Variants in NCKAP1L observed in about 807,000 individuals in gnomAD.
The protein encoded by NCKAP1L is NCK associated protein 1 like.
NCKAP1L carries 53 observed loss-of-function variants against 139.2 expected under a neutral mutation model. The observed-to-expected ratio is 0.38, with a 90% CI of 0.31 to 0.48. The LOEUF (loss-of-function observed/expected upper bound fraction) is 0.48. Among genes scored for constraint, NCKAP1L ranks in the 20% least tolerant of loss-of-function variants. The probability of loss-of-function intolerance (pLI) is 0.98; values close to 1 mark genes in which losing one functional copy is unlikely to be tolerated. For missense variants in NCKAP1L, 1,151 were observed against 1,381.9 expected, an observed-to-expected ratio of 0.83 and a Z score of 2.65; for synonymous variants, 468 against 499.7, an observed-to-expected ratio of 0.94 and a Z score of 0.85.
rs1957169006 is a variant in NCKAP1L at position 54,542,781 on chromosome 12, TG to T, written c.*100del. The T allele has an allele frequency of 2.2e-6, 1 of 445,518 alleles. No individual in the cohort carries two copies. 27.6% of individuals were successfully genotyped at this position (445,518 alleles called of 1,614,324 possible). A position where few individuals can be genotyped will look rare whatever the true frequency, so the allele number is the denominator to read the frequency against. On this transcript the variant is annotated 3_prime_UTR_variant, in exon 31 of 31. Transcript: ENST00000293373. Reference sequence around the variant, plus strand: ...ACTTTCGCAGGGGGTGGGAATGGGGTGGGGTCACTAAGGAGAGAGGGTCAGG... The same window carrying T: ...ACTTTCGCAGGGGGTGGGAATGGGGTGGGTCACTAAGGAGAGAGGGTCAGG...
At position 54,521,147 on chromosome 12, in the gene NCKAP1L, A is replaced by C. The variant is rs1374662353; in HGVS notation, c.1787A>C (p.His596Pro). ...CCCCACCTCAAGAACCATGGTCTTC[A>C]CCACTGCAACTCCTTCCTGGAAGAG... ...EYPHLKNHGL[H>P]HCNSFLEELA... Residue 596 changes from histidine to proline, a missense_variant, in exon 18 of 31, where the codon CAC (histidine) becomes CCC (proline). By Grantham distance (77) the His-to-Pro change is moderately conservative. Transcript: ENST00000293373. 4 of 1,613,870 alleles carry C rather than the reference A, an allele frequency of 2.5e-6. No individual in the cohort carries two copies. The highest frequency in any genetic ancestry group is 3.4e-6 in the Non-Finnish European group (4 of 1,179,996).
chr12:54,516,791 C>T (rs912771707), intron 10 of NCKAP1L, 105 bp from the exon 11 acceptor site: 5 of 998,954 alleles, frequency 5.0e-6, no homozygotes, highest in Non-Finnish European at 7.7e-6. Context: ...TTGAACCTTC[C>T]TTCTGCCTGA....
intron 20 of NCKAP1L, among the ~76,000 whole-genome samples, chr12:54,524,229 A>C (rs562312113): frequency 4.6e-5 from 7 of 152,364 alleles, no homozygotes; most frequent in African/African-American, 1.7e-4. Context: ...AGGCCTTTGC[A>C]GTGAGCAGAC....
At chr12:54,528,658 C>T (rs1278421400) in intron 22 of NCKAP1L, among the ~76,000 whole-genome samples, 1 of 151,432 alleles carries the variant, frequency 6.6e-6, no homozygotes, top group African/African-American at 2.4e-5. Context: ...TGGAGTCTCG[C>T]TCTGTTGCCC....
rs1364093292 is a variant in NCKAP1L, at chr12:54,545,363, A to T, written c.*2678A>T. The T allele has an allele frequency of 6.6e-6, 1 of 152,212 alleles. No individual in the cohort carries two copies. Among genetic ancestry groups the T allele is most frequent in the Non-Finnish European group, 1.5e-5 (1 of 68,034 alleles). The allele number at this position is 152,212 out of a possible 1,614,324, so 9.4% of individuals were successfully genotyped here. A position where few individuals can be genotyped will look rare whatever the true frequency, so the allele number is the denominator to read the frequency against. On this transcript the variant is annotated 3_prime_UTR_variant, in exon 31 of 31. Coordinates refer to ENST00000293373, the MANE Select transcript of NCKAP1L (RefSeq NM_005337.5). The stretch of plus-strand genomic sequence containing the variant: ...GTCACATGTTTAGCAGTAGAACTAG[A>T]ACTGGGACCCAAGTCTGATGTTCAG...
chr12:54,530,173 G>T (rs1311569452), intron 22 of NCKAP1L, among the ~76,000 whole-genome samples: 1 of 152,230 alleles, frequency 6.6e-6, no homozygotes, highest in Non-Finnish European at 1.5e-5. Flanking sequence ...GTGGAGCCTT[G>T]ACTTCCATTT....
In NCKAP1L at chr12:54,510,034, C is replaced by A. The variant is rs567525840; in HGVS notation, c.735+49C>A. ...AGTGGAAGCATTCTCTTTGCCAAGG[C>A]CATCATCTCTGTAGAGGGTGCTTCT... On this transcript the variant is annotated intron_variant, in intron 7 of 30. Coordinates refer to ENST00000293373, the MANE Select transcript of NCKAP1L (RefSeq NM_005337.5). 5.6e-6 allele frequency: 9 copies of A among 1,606,988 alleles called. No individual in the cohort carries two copies. The South Asian group carries it at 6.6e-5, about 12-fold the overall frequency.
Position 54,542,622 on chromosome 12 carries a change from T to C in NCKAP1L, c.3321T>C (p.Cys1107=). 2 of 1,614,194 alleles carry C rather than the reference T, an allele frequency of 1.2e-6. No homozygotes were observed. Among genetic ancestry groups the C allele is most frequent in the Non-Finnish European group, 1.7e-6 (2 of 1,180,014 alleles). ...SFLTLDMLES[C]FPYVLLRNAY... Reference sequence around the variant, plus strand: ...TGACCCTGGACATGCTGGAGTCCTGTTTCCCTTATGTCCTGCTTCGAAATG... The same window carrying C: ...TGACCCTGGACATGCTGGAGTCCTGCTTCCCTTATGTCCTGCTTCGAAATG... The change falls in exon 31 of 31, where the codon TGT becomes TGC. Residue 1107 remains cysteine, a synonymous_variant. Coordinates refer to ENST00000293373, the MANE Select transcript of NCKAP1L (RefSeq NM_005337.5).
chr12:54,533,313 G>A (rs976288482), intron 26 of NCKAP1L, among the ~76,000 whole-genome samples: 1 of 152,198 alleles, frequency 6.6e-6, no homozygotes, highest in Non-Finnish European at 1.5e-5. Context: ...CAGAGAGGGA[G>A]GATGGCCTGT....
chr12:54,504,341 T>A (rs1239904405), intron 3 of NCKAP1L, among the ~76,000 whole-genome samples: 2 of 152,092 alleles, frequency 1.3e-5, no homozygotes, highest in African/African-American at 4.8e-5. Context: ...GATCACATAG[T>A]GAAGAGAGAA....
intron 18 of NCKAP1L, 58 bp downstream of exon 18, chr12:54,521,296 T>A: frequency 1.3e-6 from 2 of 1,595,546 alleles, no homozygotes; most frequent in South Asian, 2.2e-5. Context: ...TGCCTTCCCC[T>A]CTATCTAACT....
chr12:54,523,614 A>G, intron 19 of NCKAP1L, 75 bp downstream of exon 19: 1 of 1,531,832 alleles, frequency 6.5e-7, no homozygotes, highest in African/African-American at 1.4e-5. Flanking sequence ...GGAAGGTGAC[A>G]CAGAAAGAAA....
intron 29 of NCKAP1L, among the ~76,000 whole-genome samples, chr12:54,538,035 C>T (rs1417475623): frequency 6.6e-6 from 1 of 152,198 alleles, no homozygotes; most frequent in African/African-American, 2.4e-5. Flanking sequence ...CCATTCCCCT[C>T]TGCCTGCTTG....
Position 54,538,932 on chromosome 12 carries a change from A to G in NCKAP1L, c.3232A>G (p.Lys1078Glu). Residue 1078 changes from lysine to glutamate, a missense_variant, in exon 30 of 31, where the codon AAA becomes GAA. Physicochemically the swap from Lys to Glu is moderately conservative, Grantham distance 56 (BLOSUM62 1). Coordinates refer to ENST00000293373, the MANE Select transcript of NCKAP1L (RefSeq NM_005337.5). Reference protein sequence around the residue: ...LQLGQETDKLKTRNRESISLL... With the variant: ...LQLGQETDKLETRNRESISLL... Reference sequence around the variant, plus strand: ...GCTGGGCCAGGAGACTGACAAGCTTAAAACCAGAAATCGAGAATCCATTTC... The same window carrying G: ...GCTGGGCCAGGAGACTGACAAGCTTGAAACCAGAAATCGAGAATCCATTTC... 6.2e-7 allele frequency: 1 copy of G among 1,614,102 alleles called. No homozygotes were observed. Among genetic ancestry groups the G allele is most frequent in the Non-Finnish European group, 8.5e-7 (1 of 1,179,956 alleles).
At chr12:54,539,742 C>A (rs1957142746) in intron 30 of NCKAP1L, among the ~76,000 whole-genome samples, 1 of 152,120 alleles carries the variant, frequency 6.6e-6, no homozygotes, top group Non-Finnish European at 1.5e-5. Context: ...GTTCTGGGGC[C>A]CTCCTCTGGC....
chr12:54,516,170 C>A, intron 9 of NCKAP1L, 69 bp from the exon 10 acceptor site: 5 of 1,540,260 alleles, frequency 3.2e-6, no homozygotes, highest in Non-Finnish European at 4.5e-6. Flanking sequence ...TCTCTGAGGA[C>A]TGGGAAGGTG....
chr12:54,516,184 C>G (rs965401584), intron 9 of NCKAP1L, 55 bp from the exon 10 acceptor site: 1 of 1,592,094 alleles, frequency 6.3e-7, no homozygotes, highest in African/African-American at 1.3e-5. Flanking sequence ...GAAGGTGAGG[C>G]AAGGGCCCTA....
chr12:54,498,878 T>C (rs1253319345), intron 1 of NCKAP1L: 11 of 842,322 alleles, frequency 1.3e-5, no homozygotes, highest in Non-Finnish European at 1.6e-5. Context: ...TGTCTTGGAA[T>C]TTTTTCTTGA....
intron 5 of NCKAP1L, 54 bp downstream of exon 5, chr12:54,508,585 T>G: frequency 6.4e-7 from 1 of 1,560,370 alleles, no homozygotes; most frequent in Non-Finnish European, 8.8e-7. Context: ...TGCTATGATG[T>G]AGAGAGTCCC....
Sources: allele counts gnomAD v4.1 joint callset (sites outside exome capture counted in the v4.1 genomes callset), GRCh38; gene constraint gnomAD v4.1.1; transcripts MANE v1.5; gene names NCBI Gene and HGNC (gene_info 2026-07-23, HGNC 2026-07-21).